The following CFAP36 variants were observed in gnomAD, a reference collection of about 807,000 sequenced individuals.
CFAP36 encodes cilia and flagella associated protein 36.
A neutral mutation model predicts 50.5 loss-of-function variants in CFAP36; 37 were observed. The observed-to-expected ratio is 0.73, with a 90% CI of 0.56 to 0.96. CFAP36 has a LOEUF of 0.96. CFAP36 is among the 50% of genes least tolerant of loss of function. The probability of loss-of-function intolerance (pLI) is 0.00; values close to 1 mark genes in which losing one functional copy is unlikely to be tolerated. For synonymous variants in CFAP36, 138 were observed against 128.2 expected (o/e 1.08, Z -0.52); for missense variants, 407 against 396.2 (o/e 1.03, Z -0.23).
intron 6 of CFAP36, 150 bp downstream of exon 6, chr2:55,535,913 T>C: frequency 7.4e-7 from 1 of 1,360,468 alleles, no homozygotes; most frequent in Non-Finnish European, 9.7e-7. Context: ...AATATATCAA[T>C]AATTCTATGT....
intron 4 of CFAP36, among the ~76,000 whole-genome samples, chr2:55,533,567 C>T (rs1684405190): frequency 6.6e-6 from 1 of 151,676 alleles, no homozygotes; most frequent in East Asian, 1.9e-4. Flanking sequence ...TGGTGGTGGG[C>T]AGCTGTAATC....
In CFAP36 at chr2:55,544,390, T is replaced by G. The variant is rs374822899; in HGVS notation, c.927+21T>G. On this transcript the variant is annotated intron_variant, in intron 9 of 9. Transcript: ENST00000349456. ...TAGAGGTATGGCTAGCCTTAATATG[T>G]CAAGATTTACAAATCTGGTGGTGGA... is the stretch of plus-strand genomic sequence containing the variant. 6 of 1,581,684 alleles carry G rather than the reference T, an allele frequency of 3.8e-6. No homozygotes were observed. In the African/African-American group the frequency reaches 8.2e-5, roughly 22 times the overall value.
In CFAP36 at chr2:55,523,823, GT is replaced by G; in HGVS notation, c.282+6del. On this transcript the variant is annotated splice_donor_variant, in intron 3 of 9. Transcript: ENST00000349456. LOFTEE classifies it high-confidence loss of function. ...TCTTGCAAAGACCCATACATCACAG[GT>G]TTTTGCTTTGTGTTATTCTGCTAAC... 1 of 1,589,356 alleles carries G rather than the reference GT, an allele frequency of 6.3e-7. No individual in the cohort carries two copies. The highest frequency in any genetic ancestry group is 8.6e-7 in the Non-Finnish European group (1 of 1,164,868).
chr2:55,536,837 C>T lies in CFAP36; in HGVS notation c.538-646C>T, dbSNP rs776052938. 1.7e-4 allele frequency among the ~76,000 whole-genome samples: 26 copies of T among 151,930 alleles called. 1 individual carries two copies. The highest frequency in any genetic ancestry group is 1.0e-3 in the Admixed American group (16 of 15,262). ...TTGGCTCACTGCAACCTCTGCCTCC[C>T]AGGCTCAAGCGATTCTCGTGCCTCA... On this transcript the variant is annotated intron_variant, in intron 6 of 9. Coordinates refer to ENST00000349456, the MANE Select transcript of CFAP36 (RefSeq NM_080667.7).
intron 4 of CFAP36, 90 bp downstream of exon 4, chr2:55,529,082 C>T (rs1684285001): frequency 1.2e-6 from 1 of 852,482 alleles, no homozygotes; most frequent in Admixed American, 3.0e-5. Context: ...GTAGCTGTCT[C>T]ATGTACATTT....
chr2:55,520,426 T>A, intron 1 of CFAP36: 1 of 1,548,680 alleles, frequency 6.5e-7, no homozygotes, highest in Non-Finnish European at 8.7e-7. Flanking sequence ...GGAGGGCATG[T>A]GATAACTCCA....
intron 7 of CFAP36, among the ~76,000 whole-genome samples, chr2:55,541,986 C>CTTCT (rs113011930): frequency 0.93 from 141,798 of 152,056 alleles, 66,695 homozygotes; most frequent in African/African-American, 0.97. Context: ...AGTTACCTTG[C>CTTCT]TTCTTTGTAC....
intron 4 of CFAP36, among the ~76,000 whole-genome samples, chr2:55,529,671 G>T (rs1684304236): frequency 6.8e-6 from 1 of 147,364 alleles, no homozygotes; most frequent in Admixed American, 6.8e-5. Context: ...TTTTGAGACG[G>T]AGTCTCGCTC....
At chr2:55,536,134 ATTTTTTT>A (rs112367385) in intron 6 of CFAP36, among the ~76,000 whole-genome samples, 1 of 136,948 alleles carries the variant, frequency 7.3e-6, no homozygotes, top group Non-Finnish European at 1.6e-5. Context: ...ACAGAACAAC[ATTTTTTT>A]TTTTTTTTTG....
intron 3 of CFAP36, among the ~76,000 whole-genome samples, chr2:55,525,153 C>G (rs1419743920): frequency 1.3e-5 from 2 of 151,986 alleles, no homozygotes; most frequent in Non-Finnish European, 2.9e-5. Flanking sequence ...CCCAAGTAGC[C>G]TTTTGCTCAA....
chr2:55,529,590 G>T (rs975870650), intron 4 of CFAP36, among the ~76,000 whole-genome samples: 6 of 151,890 alleles, frequency 4.0e-5, no homozygotes, highest in Admixed American at 6.6e-5. Context: ...ACTGTTGAGA[G>T]GTGTCCATCC....
chr2:55,525,906 C>T (rs947113192), intron 3 of CFAP36, among the ~76,000 whole-genome samples: 8 of 152,160 alleles, frequency 5.3e-5, no homozygotes, highest in Non-Finnish European at 8.8e-5. Context: ...GGATTACAGG[C>T]GTGAGCCACC....
chr2:55,536,848 G>A (rs1370546955), intron 6 of CFAP36, among the ~76,000 whole-genome samples: 5 of 151,878 alleles, frequency 3.3e-5, no homozygotes, highest in African/African-American at 7.3e-5. Context: ...AGGCTCAAGC[G>A]ATTCTCGTGC....
Position 55,533,683 on chromosome 2 carries a change from A to G in CFAP36, c.398-190A>G, listed in dbSNP as rs570010392. On this transcript the variant is annotated intron_variant, in intron 4 of 9. Transcript: ENST00000349456. Reference sequence around the variant, plus strand: ...GCACTCCAGCCTGGGCGACAGAAAGAGACTCTGTCTCAAAAAAAAAAAAAA... The same window carrying G: ...GCACTCCAGCCTGGGCGACAGAAAGGGACTCTGTCTCAAAAAAAAAAAAAA... Among the ~76,000 whole-genome samples, 24 of 123,952 alleles carry G rather than the reference A, an allele frequency of 1.9e-4. No individual in the cohort carries two copies. The East Asian group carries it at 5.0e-3, about 26-fold the overall frequency. 81.3% of individuals were successfully genotyped at this position (123,952 alleles called of 152,430 possible). A position where few individuals can be genotyped will look rare whatever the true frequency, so the allele number is the denominator to read the frequency against.
chr2:55,544,087 C>CATCA lies in CFAP36; in HGVS notation c.777+14_777+17dup. On this transcript the variant is annotated intron_variant, in intron 8 of 9. Coordinates refer to ENST00000349456, the MANE Select transcript of CFAP36 (RefSeq NM_080667.7). Reference sequence around the variant, plus strand: ...AGGACCAATAGCAGTAAGTAAACGACATCACTTAAGAACTATAAGCAAAAT... The same window carrying CATCA: ...AGGACCAATAGCAGTAAGTAAACGACATCAATCACTTAAGAACTATAAGCAAAAT... The CATCA allele has an allele frequency of 6.2e-7, 1 of 1,613,172 alleles. No homozygotes were observed. Among genetic ancestry groups the CATCA allele is most frequent in the Non-Finnish European group, 8.5e-7 (1 of 1,179,722 alleles).
rs754418171 is a variant in CFAP36 at position 55,522,159 on chromosome 2, A to G, written c.173A>G (p.Lys58Arg). 1 of 1,519,562 alleles carries G rather than the reference A, an allele frequency of 6.6e-7. No homozygotes were observed. The highest frequency in any genetic ancestry group is 1.9e-5 in the Admixed American group (1 of 53,588). The allele number at this position is 1,519,562 out of a possible 1,614,324, so 94.1% of individuals were successfully genotyped here. A position where few individuals can be genotyped will look rare whatever the true frequency, so the allele number is the denominator to read the frequency against. Reference sequence around the variant, plus strand: ...TATACAGAGATTCATCAGGAATACAAAGAACTAGTGAGTATTTTTTTTCAC... The same window carrying G: ...TATACAGAGATTCATCAGGAATACAGAGAACTAGTGAGTATTTTTTTTCAC... ...LTYTEIHQEY[K>R]ELVEKLLEGY... Residue 58 changes from lysine (K) to arginine (R), a missense_variant, in exon 2 of 10, where the codon AAA becomes AGA. Lys to Arg is a conservative substitution (Grantham distance 26). Coordinates refer to ENST00000349456, the MANE Select transcript of CFAP36 (RefSeq NM_080667.7).
intron 1 of CFAP36, among the ~76,000 whole-genome samples, chr2:55,521,201 C>CT (rs11315249): frequency 0.014 from 1,891 of 134,138 alleles, 22 homozygotes; most frequent in Non-Finnish European, 0.019. Flanking sequence ...ATTTGTACTC[C>CT]TTTTTTTTTT....
chr2:55,534,067 T>A, intron 5 of CFAP36, 107 bp downstream of exon 5: 1 of 534,374 alleles, frequency 1.9e-6, no homozygotes, highest in Non-Finnish European at 3.3e-6. Flanking sequence ...CTAAATTCTC[T>A]ACTGAAAACC....
At chr2:55,540,673 T>C (rs747348179) in intron 7 of CFAP36, among the ~76,000 whole-genome samples, 3 of 152,162 alleles carry the variant, frequency 2.0e-5, no homozygotes, top group Non-Finnish European at 4.4e-5. Context: ...CTGTAGATCA[T>C]GTTGGGAAGA....
Sources: gnomAD v4.1 joint callset for allele counts (sites outside exome capture counted in the v4.1 genomes callset) on GRCh38, gnomAD v4.1.1 for gene constraint, MANE v1.5 for transcripts, NCBI Gene and HGNC (gene_info 2026-07-23, HGNC 2026-07-21) for gene names.